HCN1: variants seen among roughly 807,000 people sequenced by gnomAD.
HCN1 encodes potassium/sodium hyperpolarization-activated cyclic nucleotide-gated channel 1.
In HCN1, 13 loss-of-function variants were observed where a neutral mutation model predicts 78.9. That is an observed-to-expected ratio of 0.16 (90% CI 0.11 to 0.26). The LOEUF is 0.26. HCN1 is among the 10% of genes least tolerant of loss of function. The pLI is 1.00. For missense variants in HCN1, 810 were observed against 1,154.3 expected (o/e 0.70, Z 4.32); for synonymous variants, 552 against 455.5 (o/e 1.21, Z -2.70).
In HCN1 at chr5:45,582,676, T is replaced by G. The variant is rs1744106798; in HGVS notation, c.849+62509A>C. 4.6e-5 allele frequency among the ~76,000 whole-genome samples: 7 copies of G among 152,326 alleles called. No homozygotes were observed. In the South Asian group the frequency reaches 1.4e-3, roughly 32 times the overall value. On this transcript the variant is annotated intron_variant, in intron 2 of 7. Transcript: ENST00000303230. ...GTGGGTTTGTCATAGATAGCTCTTA[T>G]TATTTTGAGATACGTCCCATCAATA...
chr5:45,583,511 G>T (rs1469560004), intron 2 of HCN1, among the ~76,000 whole-genome samples: 1 of 152,038 alleles, frequency 6.6e-6, no homozygotes, highest in Non-Finnish European at 1.5e-5. Context: ...AGGGTTTTTT[G>T]TGTCTCTATT....
intron 3 of HCN1, among the ~76,000 whole-genome samples, chr5:45,411,950 A>G (rs891761572): frequency 2.0e-5 from 3 of 152,156 alleles, no homozygotes; most frequent in Non-Finnish European, 4.4e-5. Context: ...CAGAATGCCA[A>G]GTTTGCCACA....
chr5:45,684,028 C>T (rs796602012), intron 1 of HCN1, among the ~76,000 whole-genome samples: 2 of 152,104 alleles, frequency 1.3e-5, no homozygotes, highest in South Asian at 2.1e-4. Flanking sequence ...ATCTTTGAAT[C>T]GTCCATACAC....
rs751307473 is a variant in HCN1, at chr5:45,281,579, C to CTTTT, written c.1619-14330_1619-14327dup. Among the ~76,000 whole-genome samples, 93 of 81,676 alleles carry CTTTT rather than the reference C, an allele frequency of 1.1e-3. 6 individuals carry two copies. Among genetic ancestry groups the CTTTT allele is most frequent in the African/African-American group, 2.2e-3 (46 of 20,656 alleles). The allele number at this position is 81,676 out of a possible 152,430, so 53.6% of individuals were successfully genotyped here. ...AAAAATATACAAGAGCTCTTCTCTTCTTTTTTTTTTTTTTTTTTTTTTTTT... is the reference window on the plus strand; with the variant it reads ...AAAAATATACAAGAGCTCTTCTCTTCTTTTTTTTTTTTTTTTTTTTTTTTTTTTT... On this transcript the variant is annotated intron_variant, in intron 6 of 7. Coordinates refer to ENST00000303230, the MANE Select transcript of HCN1 (RefSeq NM_021072.4).
rs748584173 is a variant in HCN1 at position 45,262,534 on chromosome 5, G to T, written c.2060C>A (p.Thr687Asn). Residue 687 changes from threonine (T) to asparagine (N), a missense_variant, in exon 8 of 8, where the codon ACC becomes AAC. Physicochemically the swap from Thr to Asn is moderately conservative, Grantham distance 65 (BLOSUM62 0). This residue lies in a region of HCN1 where 398 missense variants were observed against 381.3 expected (regional missense o/e 1.04). Coordinates refer to ENST00000303230, the MANE Select transcript of HCN1 (RefSeq NM_021072.4). ...TGACAGGATGGCTGATGGCTGGGGG[G>T]TCTGTGTGCTGGGACTGGGGGAGTG... ...NLHSPSPSTQTPQPSAILSPC... is the reference protein window; with the variant it reads ...NLHSPSPSTQNPQPSAILSPC... The T allele has an allele frequency of 2.2e-5, 35 of 1,613,674 alleles. No homozygotes were observed. Among genetic ancestry groups the T allele is most frequent in the Admixed American group, 8.3e-5 (5 of 59,976 alleles).
intron 1 of HCN1, among the ~76,000 whole-genome samples, chr5:45,681,865 T>C (rs1355150621): frequency 6.6e-6 from 1 of 152,304 alleles, no homozygotes; most frequent in East Asian, 1.9e-4. Context: ...AAATAGTTTT[T>C]ATAGGGCTGT....
chr5:45,484,412 C>T (rs1312217680), intron 2 of HCN1, among the ~76,000 whole-genome samples: 1 of 151,820 alleles, frequency 6.6e-6, no homozygotes, highest in Non-Finnish European at 1.5e-5. Flanking sequence ...CCAGCCTGGG[C>T]AACAGAGCAA....
intron 2 of HCN1, among the ~76,000 whole-genome samples, chr5:45,629,570 G>C (rs1405879649): frequency 6.6e-6 from 1 of 151,980 alleles, no homozygotes; most frequent in Non-Finnish European, 1.5e-5. Context: ...TACTTTCTAA[G>C]TCTGAATTCT....
At chr5:45,441,241 G>A (rs776478347) in intron 3 of HCN1, among the ~76,000 whole-genome samples, 1 of 151,752 alleles carries the variant, frequency 6.6e-6, no homozygotes, top group Non-Finnish European at 1.5e-5. Context: ...TTTTTTCTGA[G>A]AAAAACAGAC....
At chr5:45,421,071 T>C (rs1377792719) in intron 3 of HCN1, among the ~76,000 whole-genome samples, 1 of 152,096 alleles carries the variant, frequency 6.6e-6, no homozygotes, top group Non-Finnish European at 1.5e-5. Context: ...CTTTCTTCTT[T>C]CTTTTTTTTT....
chr5:45,556,201 G>A (rs79813670), intron 2 of HCN1, among the ~76,000 whole-genome samples: 5,816 of 151,872 alleles, frequency 0.038, 199 homozygotes, highest in Non-Finnish European at 0.052. Context: ...AGCATAAATG[G>A]ACAAATGAGA....
rs1273054283 is a variant in HCN1, at chr5:45,375,447, T to C, written c.1230+21045A>G. 4.4e-5 allele frequency among the ~76,000 whole-genome samples: 5 copies of C among 112,842 alleles called. No individual in the cohort carries two copies. In the East Asian group the frequency reaches 9.7e-4, roughly 22 times the overall value. The allele number at this position is 112,842 out of a possible 152,430, so 74.0% of individuals were successfully genotyped here. A position where few individuals can be genotyped will look rare whatever the true frequency, so the allele number is the denominator to read the frequency against. On this transcript the variant is annotated intron_variant, in intron 4 of 7. Coordinates refer to ENST00000303230, the MANE Select transcript of HCN1 (RefSeq NM_021072.4). ...ATGATACATATTATATATAAGATCATATTTTATGATACATATGATATATAA... is the reference window on the plus strand; with the variant it reads ...ATGATACATATTATATATAAGATCACATTTTATGATACATATGATATATAA...
chr5:45,269,889 G>A (rs760399032), intron 6 of HCN1, among the ~76,000 whole-genome samples: 7 of 152,134 alleles, frequency 4.6e-5, no homozygotes, highest in Non-Finnish European at 7.4e-5. Flanking sequence ...CTTGGCTCCC[G>A]TTCTTTGTAC....
chr5:45,623,941 T>C (rs936201311), intron 2 of HCN1, among the ~76,000 whole-genome samples: 2 of 152,162 alleles, frequency 1.3e-5, no homozygotes, highest in African/African-American at 4.8e-5. Context: ...AAGTGAAAGA[T>C]GAGAAGATAC....
At chr5:45,313,565 C>G (rs553305939) in intron 5 of HCN1, among the ~76,000 whole-genome samples, 1 of 152,282 alleles carries the variant, frequency 6.6e-6, no homozygotes, top group East Asian at 1.9e-4. Flanking sequence ...GATAAAACTT[C>G]TCCAAGCTAA....
chr5:45,636,574 A>C (rs1745359648), intron 2 of HCN1, among the ~76,000 whole-genome samples: 1 of 152,164 alleles, frequency 6.6e-6, no homozygotes, highest in African/African-American at 2.4e-5. Flanking sequence ...AGGGTCAGGC[A>C]CACTGGCTCG....
intron 3 of HCN1, among the ~76,000 whole-genome samples, chr5:45,409,445 C>T (rs1028729431): frequency 7.9e-5 from 12 of 152,092 alleles, no homozygotes; most frequent in Middle Eastern, 3.4e-3. Context: ...AAGCAGCTTA[C>T]GTAGTAATTG....
chr5:45,269,303 G>A (rs1038436336), intron 6 of HCN1, among the ~76,000 whole-genome samples: 9 of 152,074 alleles, frequency 5.9e-5, no homozygotes, highest in East Asian at 1.9e-4. Flanking sequence ...TGTAAAATAC[G>A]TTGCATTAAA....
chr5:45,461,349 T>C (rs1160524135), intron 3 of HCN1, among the ~76,000 whole-genome samples: 1 of 152,110 alleles, frequency 6.6e-6, no homozygotes, highest in Admixed American at 6.6e-5. Flanking sequence ...CCCGAAGTTT[T>C]CCTTATTTTC....
Sources: allele counts gnomAD v4.1 joint callset (sites outside exome capture counted in the v4.1 genomes callset), GRCh38; gene constraint gnomAD v4.1.1; regional missense constraint gnomAD v4.1.1; transcripts MANE v1.5; gene names NCBI Gene and HGNC (gene_info 2026-07-23, HGNC 2026-07-21).